The following SNX6 variants were observed in gnomAD, a reference collection of about 807,000 sequenced individuals.
The protein encoded by SNX6 is sorting nexin-6.
In SNX6, 34 loss-of-function variants were observed where a neutral mutation model predicts 63.0. That is an observed-to-expected ratio of 0.54 (90% CI 0.41 to 0.72). The LOEUF (loss-of-function observed/expected upper bound fraction) is 0.72. Ranked by LOEUF, SNX6 falls within the 30% of genes least tolerant of loss-of-function variation. The pLI is 0.00. For missense variants in SNX6, 398 were observed against 471.4 expected (o/e 0.84, Z 1.44); for synonymous variants, 170 against 164.2 (o/e 1.04, Z -0.27).
At position 34,595,703 on chromosome 14, in the gene SNX6, T is replaced by C. The variant is rs1004091711; in HGVS notation, c.612+1847A>G. On this transcript the variant is annotated intron_variant, in intron 7 of 13. Transcript: ENST00000362031. ...GCCACAGCACATGCACTGTCAAGTA[T>C]CCACTGACCTGTCTCTGAAAAATCA... Among the ~76,000 whole-genome samples the C allele has an allele frequency of 4.6e-5, 7 of 152,318 alleles. No homozygotes were observed. In the East Asian group the frequency reaches 9.6e-4, roughly 21 times the overall value.
chr14:34,579,996 C>T (rs988489562), intron 10 of SNX6, among the ~76,000 whole-genome samples: 1 of 152,118 alleles, frequency 6.6e-6, no homozygotes, highest in African/African-American at 2.4e-5. Flanking sequence ...ACTAGCCTAG[C>T]CAACATGGTG....
chr14:34,611,880 G>A (rs1883244512), intron 2 of SNX6, among the ~76,000 whole-genome samples: 2 of 151,460 alleles, frequency 1.3e-5, no homozygotes, highest in Non-Finnish European at 1.5e-5. Flanking sequence ...CCGGGTTCAC[G>A]CCATTCTCCT....
intron 6 of SNX6, 48 bp from the exon 7 acceptor site, chr14:34,597,693 G>A (rs1156692136): frequency 9.8e-7 from 1 of 1,021,430 alleles, no homozygotes; most frequent in African/African-American, 1.6e-5. Flanking sequence ...ATGGAAAGCA[G>A]TGCCTCCTTT....
chr14:34,566,882 C>T (rs2138257646), intron 13 of SNX6, among the ~76,000 whole-genome samples: 1 of 151,754 alleles, frequency 6.6e-6, no homozygotes, highest in South Asian at 2.1e-4. Flanking sequence ...CTATCCTGGA[C>T]AACACAGCAA....
intron 2 of SNX6, chr14:34,629,705 G>A (rs1008796004): frequency 4.6e-6 from 4 of 861,528 alleles, no homozygotes; most frequent in Non-Finnish European, 7.4e-6. Flanking sequence ...AGCGGCCGCG[G>A]GTCCCCGGGA....
intron 13 of SNX6, among the ~76,000 whole-genome samples, chr14:34,565,328 T>C (rs898764516): frequency 8.6e-5 from 13 of 151,544 alleles, no homozygotes; most frequent in East Asian, 1.9e-4. Flanking sequence ...CTGCCCGCCT[T>C]GGCCTCCCAA....
chr14:34,583,997 G>A (rs953368772), intron 9 of SNX6, among the ~76,000 whole-genome samples: 14 of 151,248 alleles, frequency 9.3e-5, no homozygotes, highest in Admixed American at 5.3e-4. Context: ...ACAGGCATGC[G>A]CCACCACGCC....
At chr14:34,575,582 T>C (rs1338653224) in intron 11 of SNX6, 174 bp downstream of exon 11, 3 of 290,394 alleles carry the variant, frequency 1.0e-5, no homozygotes, top group African/African-American at 4.5e-5. Context: ...CCACATGAAA[T>C]ATGTACAATT....
chr14:34,630,081 C>T (rs1174322983), intron 1 of SNX6, 30 bp downstream of exon 1: 4 of 1,452,740 alleles, frequency 2.8e-6, no homozygotes, highest in African/African-American at 3.0e-5. Context: ...CACCGCGCTC[C>T]CGGGACTCGG....
chr14:34,623,204 G>C (rs944700466), intron 2 of SNX6, among the ~76,000 whole-genome samples: 1 of 152,064 alleles, frequency 6.6e-6, no homozygotes, highest in African/African-American at 2.4e-5. Flanking sequence ...AAAGTGTGCA[G>C]GTGCAAAACA....
At chr14:34,629,645 G>C in intron 2 of SNX6, 1 of 691,054 alleles carries the variant, frequency 1.4e-6, no homozygotes, top group Non-Finnish European at 2.6e-6. Context: ...CCCGCCCCGC[G>C]TGGGAGTGGA....
chr14:34,570,064 T>G (rs1435636026), intron 11 of SNX6, among the ~76,000 whole-genome samples: 2 of 150,838 alleles, frequency 1.3e-5, no homozygotes, highest in African/African-American at 4.9e-5. Flanking sequence ...TTTTTGGGGT[T>G]TTTTTTTTTG....
At chr14:34,585,581 T>C (rs971620187) in intron 9 of SNX6, among the ~76,000 whole-genome samples, 8 of 151,982 alleles carry the variant, frequency 5.3e-5, no homozygotes, top group African/African-American at 1.4e-4. Context: ...AATAGAAAAT[T>C]TTCTCTGCTT....
intron 11 of SNX6, among the ~76,000 whole-genome samples, chr14:34,572,442 T>C (rs753485344): frequency 6.6e-6 from 1 of 151,994 alleles, no homozygotes; most frequent in Non-Finnish European, 1.5e-5. Context: ...AAAGTGAGTA[T>C]TTTAGCACTG....
chr14:34,573,450 C>T (rs1254364671), intron 11 of SNX6, among the ~76,000 whole-genome samples: 1 of 152,050 alleles, frequency 6.6e-6, no homozygotes, highest in East Asian at 1.9e-4. Context: ...TGGCAAGTGC[C>T]TGTAGTCCCA....
At chr14:34,568,564 G>C (rs1382831779) in intron 11 of SNX6, 1 of 557,734 alleles carries the variant, frequency 1.8e-6, no homozygotes, top group East Asian at 3.6e-5. Context: ...TCAAACTCCT[G>C]GCCTCAAAGT....
intron 7 of SNX6, among the ~76,000 whole-genome samples, chr14:34,596,031 A>G (rs1032632728): frequency 6.6e-6 from 1 of 151,834 alleles, no homozygotes; most frequent in Admixed American, 6.6e-5. Flanking sequence ...CATCTTGGCT[A>G]ACATGGTGAA....
At chr14:34,617,678 T>C (rs776310888) in intron 2 of SNX6, among the ~76,000 whole-genome samples, 1 of 150,526 alleles carries the variant, frequency 6.6e-6, no homozygotes, top group Non-Finnish European at 1.5e-5. Flanking sequence ...TCCCAGCACT[T>C]TGGGAGGCTG....
At chr14:34,625,825 G>A (rs140710798) in intron 2 of SNX6, among the ~76,000 whole-genome samples, 103 of 152,298 alleles carry the variant, frequency 6.8e-4, no homozygotes, top group African/African-American at 2.4e-3. Context: ...TCAATACTGT[G>A]TATTCCCTAC....
Sources: allele counts gnomAD v4.1 joint callset (sites outside exome capture counted in the v4.1 genomes callset), GRCh38; gene constraint gnomAD v4.1.1; transcripts MANE v1.5; gene names NCBI Gene and HGNC (gene_info 2026-07-23, HGNC 2026-07-21).